Variants in NAV1 observed in about 807,000 individuals in gnomAD.
NAV1 encodes the protein pore membrane and/or filament interacting like protein 3.
Under a neutral mutation model 175.2 loss-of-function variants are expected in NAV1, and 18 were observed. The observed-to-expected ratio is 0.10, with a 90% CI of 0.07 to 0.15. The LOEUF is 0.15. Among genes scored for constraint, NAV1 ranks in the 10% least tolerant of loss-of-function variants. The probability of loss-of-function intolerance (pLI) is 1.00; values close to 1 mark genes in which losing one functional copy is unlikely to be tolerated. For synonymous variants in NAV1, 897 were observed against 978.7 expected (o/e 0.92, Z 1.56); for missense variants, 1,731 against 2,436.6 (o/e 0.71, Z 6.10).
intron 1 of NAV1, among the ~76,000 whole-genome samples, chr1:201,690,998 C>T (rs187357759): frequency 6.6e-6 from 1 of 152,298 alleles, no homozygotes; most frequent in Admixed American, 6.5e-5. Flanking sequence ...TCTTGAGGAA[C>T]TTAAAATCCA....
intron 1 of NAV1, among the ~76,000 whole-genome samples, chr1:201,573,327 G>A (rs142683015): frequency 0.011 from 1,311 of 122,794 alleles, 8 homozygotes; most frequent in Non-Finnish European, 0.014. Context: ...GTGTGTATGC[G>A]TGTGTGTGTG....
intron 2 of NAV1, among the ~76,000 whole-genome samples, chr1:201,593,185 C>T (rs1037943553): frequency 1.3e-5 from 2 of 152,148 alleles, no homozygotes; most frequent in Non-Finnish European, 2.9e-5. Context: ...TCATGGCTGC[C>T]GCCACTAGCT....
chr1:201,785,428 C>A, intron 8 of NAV1, 77 bp downstream of exon 12: 3 of 1,450,794 alleles, frequency 2.1e-6, no homozygotes, highest in Non-Finnish European at 2.9e-6. Flanking sequence ...TCAACCTGTC[C>A]AAGGCTCCAG....
intron 1 of NAV1, among the ~76,000 whole-genome samples, chr1:201,705,327 T>C (rs1476449452): frequency 4.6e-5 from 7 of 152,226 alleles, no homozygotes; most frequent in Admixed American, 3.9e-4. Context: ...GCCCCAGATT[T>C]GCTTCTATTT....
At chr1:201,681,334 T>C (rs1670453667) in intron 1 of NAV1, among the ~76,000 whole-genome samples, 1 of 152,190 alleles carries the variant, frequency 6.6e-6, no homozygotes, top group Non-Finnish European at 1.5e-5. Context: ...GTCAAATAAA[T>C]CTAGGAAACT....
chr1:201,547,588 G>A (rs985387631), intron 1 of NAV1, among the ~76,000 whole-genome samples: 3 of 152,140 alleles, frequency 2.0e-5, no homozygotes, highest in African/African-American at 7.2e-5. Flanking sequence ...ACAACTTAGC[G>A]AGATAGGTAC....
chr1:201,782,332 A>G lies in NAV1; in HGVS notation c.1820A>G (p.Tyr607Cys). ...CCCTCCACTTCGGGATCCTTTGGCT[A>G]CAAGAAGCCTCCTCCTGCCACAGGC... is the stretch of plus-strand genomic sequence containing the variant. Residue 607 changes from tyrosine to cysteine, a missense_variant, in exon 6 of 30, where the codon TAC (tyrosine) becomes TGC (cysteine). Around this residue, in one of 13 missense-constraint regions of NAV1, gnomAD observed 634 missense variants for 766.8 expected, o/e 0.83. Transcript: ENST00000367296. This position sits in a 1 kb window ranked among gnomAD's most constrained non-coding sequence, Gnocchi z 5.4. The G allele has an allele frequency of 6.2e-7, 1 of 1,614,160 alleles. No homozygotes were observed. The highest frequency in any genetic ancestry group is 8.5e-7 in the Non-Finnish European group (1 of 1,180,022).
intron 3 of NAV1, among the ~76,000 whole-genome samples, chr1:201,776,081 A>G (rs544154518): frequency 1.2e-4 from 18 of 152,228 alleles, no homozygotes; most frequent in Non-Finnish European, 1.8e-4. Flanking sequence ...CATATATACA[A>G]TACCCATACA....
intron 1 of NAV1, among the ~76,000 whole-genome samples, chr1:201,545,371 T>TA (rs965598843): frequency 2.2e-4 from 33 of 151,410 alleles, no homozygotes; most frequent in African/African-American, 5.1e-4. Context: ...TTTTTTTTTT[T>TA]AATTAATTTA....
chr1:201,734,485 G>GAAGAAGAAGAAGAA (rs368228077), intron 3 of NAV1, among the ~76,000 whole-genome samples: 1 of 30,830 alleles, frequency 3.2e-5, no homozygotes. Context: ...AGGAGGAGGA[G>GAAGAAGAAGAAGAA]GAAGAAGGAG....
In NAV1 at chr1:201,781,530, G is replaced by T. The variant is rs1165000716; in HGVS notation, c.1663+221G>T. On this transcript the variant is annotated intron_variant, in intron 5 of 29. Transcript: ENST00000367296. ...GGAAATAGAAACTCAAAGAGATTAA[G>T]TGGCTGGGCCAAAATCCCAGTTAAT... Among the ~76,000 whole-genome samples the T allele has an allele frequency of 1.3e-5, 2 of 152,206 alleles. 1 individual carries two copies. Among genetic ancestry groups the T allele is most frequent in the South Asian group, 4.1e-4 (2 of 4,834 alleles).
At chr1:201,599,150 CA>C (rs1667448674) in intron 2 of NAV1, among the ~76,000 whole-genome samples, 1 of 152,200 alleles carries the variant, frequency 6.6e-6, no homozygotes, top group African/African-American at 2.4e-5. Context: ...CCCCAGGAGG[CA>C]AAACCCTGCA....
At chr1:201,705,115 C>T (rs953363419) in intron 1 of NAV1, among the ~76,000 whole-genome samples, 2 of 152,206 alleles carry the variant, frequency 1.3e-5, no homozygotes, top group African/African-American at 4.8e-5. Flanking sequence ...TACTGCCCCT[C>T]ACCCTCTTTA....
intron 2 of NAV1, among the ~76,000 whole-genome samples, chr1:201,597,265 G>C (rs1473164850): frequency 6.6e-6 from 1 of 152,234 alleles, no homozygotes; most frequent in Non-Finnish European, 1.5e-5. Flanking sequence ...GGGTTGAGGA[G>C]AGGGAGCATT....
At chr1:201,731,248 T>TG (rs1672848155) in intron 3 of NAV1, among the ~76,000 whole-genome samples, 1 of 151,926 alleles carries the variant, frequency 6.6e-6, no homozygotes. Context: ...AGACAGATAC[T>TG]GTGTGAGACC....
At position 201,790,416 on chromosome 1, in the gene NAV1, C is replaced by CA. The variant is rs534396395; in HGVS notation, c.3220-136dup. On this transcript the variant is annotated intron_variant, in intron 11 of 29. Coordinates refer to ENST00000367296, the Ensembl canonical transcript of NAV1. Reference sequence around the variant, plus strand: ...CCTGTGAGGAGCCAGGGCCAGGAAACAAGAGTTTCAGCCTCTCTGCACCTC... The same window carrying CA: ...CCTGTGAGGAGCCAGGGCCAGGAAACAAAGAGTTTCAGCCTCTCTGCACCTC... The CA allele has an allele frequency of 2.4e-5, 22 of 925,684 alleles. No homozygotes were observed. In the East Asian group the frequency reaches 5.0e-4, roughly 21 times the overall value. The allele number at this position is 925,684 out of a possible 1,614,324, so 57.3% of individuals were successfully genotyped here.
chr1:201,608,940 G>C (rs1667769798), intron 2 of NAV1, among the ~76,000 whole-genome samples: 1 of 152,178 alleles, frequency 6.6e-6, no homozygotes, highest in Non-Finnish European at 1.5e-5. Flanking sequence ...AGCAGGACAG[G>C]GGAACTCAGC....
At chr1:201,576,664 G>T (rs766348189) in intron 1 of NAV1, among the ~76,000 whole-genome samples, 1 of 152,142 alleles carries the variant, frequency 6.6e-6, no homozygotes, top group Non-Finnish European at 1.5e-5. Context: ...TACAGTTGTT[G>T]GGTCACGTGT....
At chr1:201,590,735 C>A (rs190305251) in intron 2 of NAV1, among the ~76,000 whole-genome samples, 67 of 152,282 alleles carry the variant, frequency 4.4e-4, no homozygotes, top group Non-Finnish European at 6.9e-4. Flanking sequence ...TTAGCCGAGT[C>A]GGCCAGGCCT....
Sources: gnomAD v4.1 joint callset for allele counts (sites outside exome capture counted in the v4.1 genomes callset) on GRCh38, gnomAD v4.1.1 for gene constraint, gnomAD v4.1.1 regional missense constraint, Gnocchi (gnomAD v3.1) non-coding constraint, MANE v1.5 for transcripts, NCBI Gene and HGNC (gene_info 2026-07-23, HGNC 2026-07-21) for gene names.